Variants in IQGAP2 observed in about 807,000 individuals in gnomAD.
IQGAP2 encodes the protein ras GTPase-activating-like protein IQGAP2.
A neutral mutation model predicts 201.3 loss-of-function variants in IQGAP2; 173 were observed. The ratio of observed to expected loss-of-function variants is 0.86; its 90% confidence interval spans 0.76 to 0.98. IQGAP2 has a LOEUF of 0.98. IQGAP2 is among the 50% of genes least tolerant of loss of function. The pLI is 0.00. For synonymous variants in IQGAP2, 675 were observed against 673.9 expected, an observed-to-expected ratio of 1.00 and a Z score of -0.03; for missense variants, 1,687 against 1,864.8, an observed-to-expected ratio of 0.90 and a Z score of 1.76.
intron 10 of IQGAP2, among the ~76,000 whole-genome samples, chr5:76,599,356 A>C (rs1747267096): frequency 6.6e-6 from 1 of 152,206 alleles, no homozygotes. Context: ...CTGGCTCTGA[A>C]GCTCAAGGCT....
chr5:76,573,341 T>C (rs1240112592), intron 4 of IQGAP2, among the ~76,000 whole-genome samples: 1 of 152,232 alleles, frequency 6.6e-6, no homozygotes, highest in African/African-American at 2.4e-5. Flanking sequence ...TGTACTGAGT[T>C]GACTTTGATG....
At chr5:76,575,945 T>C (rs1745442187) in intron 5 of IQGAP2, among the ~76,000 whole-genome samples, 176 bp downstream of exon 5, 1 of 152,188 alleles carries the variant, frequency 6.6e-6, no homozygotes, top group Non-Finnish European at 1.5e-5. Context: ...TAAGCAATTC[T>C]TGAACTTGAA....
intron 9 of IQGAP2, 58 bp downstream of exon 9, chr5:76,592,983 G>T: frequency 8.6e-7 from 1 of 1,160,514 alleles, no homozygotes; most frequent in South Asian, 1.3e-5. Flanking sequence ...GACTTTCCTT[G>T]CCAGAATCCC....
chr5:76,497,119 C>T (rs1757037024), intron 2 of IQGAP2, among the ~76,000 whole-genome samples: 1 of 152,224 alleles, frequency 6.6e-6, no homozygotes, highest in Non-Finnish European at 1.5e-5. Context: ...TGAGCCACTG[C>T]GCCCGGCCCA....
chr5:76,505,477 G>A (rs546247498), intron 2 of IQGAP2, among the ~76,000 whole-genome samples: 116 of 152,266 alleles, frequency 7.6e-4, no homozygotes, highest in Non-Finnish European at 5.9e-5. Context: ...AATGGAGCAG[G>A]ACTTCTTCTA....
intron 2 of IQGAP2, among the ~76,000 whole-genome samples, chr5:76,481,638 C>G (rs1755799671): frequency 6.6e-6 from 1 of 152,140 alleles, no homozygotes. Context: ...CCTGCCTCAG[C>G]CTCCCAAAGT....
At position 76,611,156 on chromosome 5, in the gene IQGAP2, A is replaced by G. The variant is rs759468081; in HGVS notation, c.1494A>G (p.Leu498=). 4 of 1,612,294 alleles carry G rather than the reference A, an allele frequency of 2.5e-6. No individual in the cohort carries two copies. The East Asian group carries it at 8.9e-5, about 36-fold the overall frequency. The change falls in exon 13 of 36, where the codon TTA becomes TTG. Residue 498 remains leucine, a synonymous_variant. Coordinates refer to ENST00000274364, the MANE Select transcript of IQGAP2 (RefSeq NM_006633.5). Reference sequence around the variant, plus strand: ...ATGCCCAGCACTACCAGGATGTTTTATACCATGCTAAATCACAGAAACTCG... The same window carrying G: ...ATGCCCAGCACTACCAGGATGTTTTGTACCATGCTAAATCACAGAAACTCG... ...PAHAQHYQDV[L]YHAKSQKLGD...
intron 2 of IQGAP2, among the ~76,000 whole-genome samples, chr5:76,483,967 G>T (rs899892910): frequency 2.6e-5 from 4 of 152,002 alleles, no homozygotes; most frequent in Admixed American, 2.6e-4. Flanking sequence ...TTCCCCTAAA[G>T]AACTAGGGGA....
intron 1 of IQGAP2, among the ~76,000 whole-genome samples, chr5:76,450,097 CACA>C (rs1230800424): frequency 1.3e-5 from 2 of 152,198 alleles, no homozygotes; most frequent in East Asian, 3.8e-4. Context: ...ACAAAAAGCA[CACA>C]ACAAGCCAAA....
chr5:76,454,427 GC>G (rs1753949504), intron 1 of IQGAP2, among the ~76,000 whole-genome samples: 3 of 148,932 alleles, frequency 2.0e-5, no homozygotes, highest in Admixed American at 2.0e-4. Context: ...ATCTCCTAAT[GC>G]TATCCCTCTC....
chr5:76,647,923 G>T (rs1454737452), intron 17 of IQGAP2, among the ~76,000 whole-genome samples: 1 of 151,920 alleles, frequency 6.6e-6, no homozygotes, highest in Non-Finnish European at 1.5e-5. Context: ...CCACCCTCCT[G>T]GACTGTAATA....
chr5:76,550,919 A>G (rs1162080255), intron 2 of IQGAP2, among the ~76,000 whole-genome samples: 1 of 151,746 alleles, frequency 6.6e-6, no homozygotes, highest in African/African-American at 2.4e-5. Flanking sequence ...CACTTCCCAC[A>G]CGGGGCGGCC....
intron 2 of IQGAP2, among the ~76,000 whole-genome samples, chr5:76,532,037 G>A (rs960356617): frequency 2.6e-5 from 4 of 152,206 alleles, no homozygotes; most frequent in Non-Finnish European, 5.9e-5. Context: ...TGGCCTAATG[G>A]CCTCCCACAG....
chr5:76,509,260 A>G (rs537076329), intron 2 of IQGAP2, among the ~76,000 whole-genome samples: 1 of 152,174 alleles, frequency 6.6e-6, no homozygotes, highest in Admixed American at 6.5e-5. Flanking sequence ...TTCACAAATG[A>G]TGTGTAGAAA....
intron 14 of IQGAP2, among the ~76,000 whole-genome samples, chr5:76,630,925 GT>G (rs1224779770): frequency 6.6e-6 from 1 of 152,110 alleles, no homozygotes; most frequent in African/African-American, 2.4e-5. Flanking sequence ...GTCAATCTCT[GT>G]TTTTCTTTCT....
At chr5:76,627,661 T>A (rs1561528176) in intron 14 of IQGAP2, among the ~76,000 whole-genome samples, 161 bp downstream of exon 14, 3 of 152,218 alleles carry the variant, frequency 2.0e-5, no homozygotes, top group African/African-American at 4.8e-5. Context: ...CTATTGTCAG[T>A]GATTTGACTC....
At chr5:76,587,221 A>G (rs1746310641) in intron 5 of IQGAP2, among the ~76,000 whole-genome samples, 1 of 152,238 alleles carries the variant, frequency 6.6e-6, no homozygotes, top group Non-Finnish European at 1.5e-5. Flanking sequence ...CTTTACTCAT[A>G]AAGAATAAAT....
At chr5:76,507,380 A>C (rs919465471) in intron 2 of IQGAP2, among the ~76,000 whole-genome samples, 1 of 151,856 alleles carries the variant, frequency 6.6e-6, no homozygotes, top group Non-Finnish European at 1.5e-5. Context: ...AATGAACAAG[A>C]CCTGAATGTA....
intron 28 of IQGAP2, among the ~76,000 whole-genome samples, chr5:76,681,696 A>T (rs1745316086): frequency 6.6e-6 from 1 of 151,972 alleles, no homozygotes; most frequent in South Asian, 2.1e-4. Context: ...ACGATCAATT[A>T]AAAAAAATTA....
Sources: allele counts gnomAD v4.1 joint callset (sites outside exome capture counted in the v4.1 genomes callset), GRCh38; gene constraint gnomAD v4.1.1; transcripts MANE v1.5; gene names NCBI Gene and HGNC (gene_info 2026-07-23, HGNC 2026-07-21).